Variants in QKI observed in about 807,000 individuals in gnomAD.
QKI encodes KH domain-containing RNA-binding protein QKI.
Under a neutral mutation model 39.0 loss-of-function variants are expected in QKI, and 10 were observed. The ratio of observed to expected loss-of-function variants is 0.26; its 90% CI spans 0.16 to 0.43. The LOEUF (loss-of-function observed/expected upper bound fraction) is 0.43, where lower values mean the gene tolerates loss of function less well. Among genes scored for constraint, QKI ranks in the 20% least tolerant of loss-of-function variants. The pLI is 1.00. For missense variants in QKI, 218 were observed against 428.0 expected (o/e 0.51, Z 4.33); for synonymous variants, 204 against 155.4 (o/e 1.31, Z -2.33).
chr6:163,439,881 C>G (rs1343353933), intron 1 of QKI, among the ~76,000 whole-genome samples: 4 of 152,068 alleles, frequency 2.6e-5, no homozygotes, highest in Non-Finnish European at 5.9e-5. Flanking sequence ...AACTCCTGAT[C>G]TCAAGTGATC....
intron 3 of QKI, among the ~76,000 whole-genome samples, chr6:163,479,131 A>T (rs1792863036): frequency 1.4e-5 from 2 of 145,888 alleles, no homozygotes; most frequent in Admixed American, 6.8e-5. Context: ...ACTAAAAAAA[A>T]TACAAAAATT....
At chr6:163,415,823 C>G in intron 1 of QKI, 1 of 461,714 alleles carries the variant, frequency 2.2e-6, no homozygotes, top group Non-Finnish European at 4.3e-6. Flanking sequence ...TTCGGGAGCT[C>G]TCCCCTCCCG....
intron 3 of QKI, among the ~76,000 whole-genome samples, chr6:163,509,351 G>A (rs1779294394): frequency 6.6e-6 from 1 of 152,092 alleles, no homozygotes; most frequent in Non-Finnish European, 1.5e-5. Context: ...GAGAGCAGAT[G>A]GAAAGTTGAT....
intron 1 of QKI, among the ~76,000 whole-genome samples, chr6:163,453,454 G>C (rs1328437280): frequency 6.6e-6 from 1 of 152,170 alleles, no homozygotes; most frequent in African/African-American, 2.4e-5. Flanking sequence ...CCTGGCTAAA[G>C]GATGTATGTG....
intron 1 of QKI, among the ~76,000 whole-genome samples, chr6:163,415,603 G>C (rs1582938829): frequency 6.6e-6 from 1 of 151,778 alleles, no homozygotes; most frequent in Non-Finnish European, 1.5e-5. Context: ...GCGGAGGGCT[G>C]CGGGGTGAGC....
At chr6:163,478,594 A>T (rs970527008) in intron 2 of QKI, among the ~76,000 whole-genome samples, 186 bp from the exon 3 acceptor site, 3 of 152,242 alleles carry the variant, frequency 2.0e-5, no homozygotes, top group Non-Finnish European at 2.9e-5. Flanking sequence ...ATAATGCTAA[A>T]CGATGAGCTA....
At chr6:163,478,726 C>A in intron 2 of QKI, 54 bp from the exon 3 acceptor site, 1 of 1,147,134 alleles carries the variant, frequency 8.7e-7, no homozygotes, top group Non-Finnish European at 1.3e-6. Context: ...ATTTTAAGAG[C>A]TGTAAGTTCC....
At chr6:163,527,803 A>T (rs1780608898) in intron 3 of QKI, among the ~76,000 whole-genome samples, 1 of 152,194 alleles carries the variant, frequency 6.6e-6, no homozygotes, top group Admixed American at 6.5e-5. Context: ...ATTTAGTTAT[A>T]AACAATGGTG....
At chr6:163,434,864 C>G (rs1238764859) in intron 1 of QKI, among the ~76,000 whole-genome samples, 3 of 151,782 alleles carry the variant, frequency 2.0e-5, no homozygotes, top group South Asian at 2.1e-4. Context: ...ACTTTTTCCC[C>G]CCTCAGTATT....
At chr6:163,561,139 GA>G (rs1192285294) in intron 4 of QKI, among the ~76,000 whole-genome samples, 5 of 152,182 alleles carry the variant, frequency 3.3e-5, no homozygotes, top group Non-Finnish European at 7.4e-5. Flanking sequence ...CGGTTTTTTA[GA>G]AGTTATTATT....
At chr6:163,551,752 T>C (rs1015535133) in intron 4 of QKI, among the ~76,000 whole-genome samples, 2 of 152,234 alleles carry the variant, frequency 1.3e-5, no homozygotes, top group African/African-American at 4.8e-5. Context: ...CAGAGTCACT[T>C]TGAAAAGTAC....
At chr6:163,556,576 C>T (rs922138062) in intron 4 of QKI, among the ~76,000 whole-genome samples, 10 of 150,036 alleles carry the variant, frequency 6.7e-5, no homozygotes, top group African/African-American at 2.2e-4. Flanking sequence ...TCTTAATATG[C>T]ATAAATTAAA....
In QKI at chr6:163,575,270, A is replaced by G. The variant is rs535874366; in HGVS notation, c.*4560A>G. 38 of 152,340 alleles carry G rather than the reference A, an allele frequency of 2.5e-4. No individual in the cohort carries two copies. Among genetic ancestry groups the G allele is most frequent in the African/African-American group, 8.9e-4 (37 of 41,592 alleles). The allele number at this position is 152,340 out of a possible 1,614,324, so 9.4% of individuals were successfully genotyped here. A position where few individuals can be genotyped will look rare whatever the true frequency, so the allele number is the denominator to read the frequency against. On this transcript the variant is annotated 3_prime_UTR_variant, in exon 8 of 8. Transcript: ENST00000361752. ...TGCAATTTACTATTCTCTGAAGCCT[A>G]TGAATGCAGCCTCATCTCATTTTCA...
intron 4 of QKI, among the ~76,000 whole-genome samples, chr6:163,536,524 CTG>C (rs1781222804): frequency 6.6e-6 from 1 of 152,184 alleles, no homozygotes; most frequent in East Asian, 1.9e-4. Context: ...TTGATGCAGT[CTG>C]TGTCCCTGAC....
intron 4 of QKI, among the ~76,000 whole-genome samples, chr6:163,541,577 G>A (rs1450948228): frequency 4.7e-5 from 7 of 148,970 alleles, no homozygotes; most frequent in African/African-American, 1.7e-4. Flanking sequence ...TCATTGTAAA[G>A]ATATACACAC....
At chr6:163,426,650 T>C (rs961772059) in intron 1 of QKI, among the ~76,000 whole-genome samples, 1 of 152,188 alleles carries the variant, frequency 6.6e-6, no homozygotes, top group African/African-American at 2.4e-5. Flanking sequence ...GATGATACTT[T>C]AATTCTGCCA....
At chr6:163,455,974 C>T (rs1025420320) in intron 2 of QKI, among the ~76,000 whole-genome samples, 2 of 152,128 alleles carry the variant, frequency 1.3e-5, no homozygotes, top group African/African-American at 4.8e-5. Context: ...GTTACAAAGC[C>T]CTATATGATA....
chr6:163,557,922 G>C (rs1208801433), intron 4 of QKI, among the ~76,000 whole-genome samples: 1 of 152,106 alleles, frequency 6.6e-6, no homozygotes, highest in Non-Finnish European at 1.5e-5. Flanking sequence ...CTTGAATATA[G>C]GGCAAATACT....
At chr6:163,487,862 T>A (rs1385743608) in intron 3 of QKI, among the ~76,000 whole-genome samples, 6 of 152,202 alleles carry the variant, frequency 3.9e-5, no homozygotes, top group Non-Finnish European at 5.9e-5. Context: ...GCAATCATTG[T>A]TGATTGTTTT....
Sources: allele counts gnomAD v4.1 joint callset (sites outside exome capture counted in the v4.1 genomes callset), GRCh38; gene constraint gnomAD v4.1.1; transcripts MANE v1.5; gene names NCBI Gene and HGNC (gene_info 2026-07-23, HGNC 2026-07-21).